FGF14: variants seen among roughly 807,000 people sequenced by gnomAD.
FGF14 encodes the protein fibroblast growth factor 14.
In FGF14, 5 loss-of-function variants were observed where a neutral mutation model predicts 25.5. The observed-to-expected ratio is 0.20, with a 90% CI of 0.10 to 0.41. FGF14 has a LOEUF of 0.41. Ranked by LOEUF, FGF14 falls within the 10% of genes least tolerant of loss-of-function variation. The pLI is 1.00. For missense variants in FGF14, 222 were observed against 320.1 expected (o/e 0.69, Z 2.34); for synonymous variants, 138 against 118.3 (o/e 1.17, Z -1.08).
chr13:101,917,610 C>A (rs1481006252), upstream of FGF14, among the ~76,000 whole-genome samples: 1 of 151,924 alleles, frequency 6.6e-6, no homozygotes, highest in Non-Finnish European at 1.5e-5. Context: ...GCTAATCCCT[C>A]CAGCACCAAC....
At position 102,056,513 on chromosome 13, in the gene FGF14, A is replaced by G. The variant is rs200961570; in HGVS notation, c.209-181217T>C. On this transcript the variant is annotated intron_variant, in intron 1 of 4. Transcript: ENST00000376131. The stretch of plus-strand genomic sequence containing the variant: ...TGGATGCAGTAGATACTTACATAAT[A>G]AAACATAATTTCTCCAAAGTGCTAA... Among the ~76,000 whole-genome samples the G allele has an allele frequency of 7.9e-5, 12 of 152,296 alleles. No individual in the cohort carries two copies. The East Asian group carries it at 2.3e-3, about 29-fold the overall frequency.
chr13:101,971,794 A>C (rs2037611537), intron 1 of FGF14, among the ~76,000 whole-genome samples: 1 of 152,268 alleles, frequency 6.6e-6, no homozygotes, highest in South Asian at 2.1e-4. Flanking sequence ...ACTCTAAGAC[A>C]GTAAAACACG....
rs1378394087 is a variant in FGF14 at position 101,924,103 on chromosome 13, T to C, written c.209-48807A>G. On this transcript the variant is annotated intron_variant, in intron 1 of 4. Coordinates refer to the FGF14 transcript ENST00000376131. ...GCATTTTAATAATAGATCAGTGAAT[T>C]TTTAACACTACTGAATACCTCAACA... Among the ~76,000 whole-genome samples, 3 of 152,106 alleles carry C rather than the reference T, an allele frequency of 2.0e-5. 1 individual carries two copies. In the South Asian group the frequency reaches 6.2e-4, roughly 31 times the overall value.
chr13:102,267,575 TTA>T (rs983244588), intron 1 of FGF14, among the ~76,000 whole-genome samples: 1 of 152,166 alleles, frequency 6.6e-6, no homozygotes, highest in Non-Finnish European at 1.5e-5. Context: ...ATATCTATGG[TTA>T]TATATATGGC....
chr13:101,915,623 G>GAAA (rs869171300), intron 1 of FGF14, among the ~76,000 whole-genome samples: 2 of 754 alleles, frequency 2.7e-3, no homozygotes, highest in Non-Finnish European at 4.5e-3. Context: ...CAAAGGCAGT[G>GAAA]AAAGGTCATC....
chr13:102,395,022 T>C (rs959251125), intron 1 of FGF14: 7 of 152,238 alleles, frequency 4.6e-5, no homozygotes, highest in African/African-American at 1.4e-4. Flanking sequence ...CCCTGCACCT[T>C]TTAAAGTGGC....
At chr13:102,036,368 CAT>C (rs1447138320) in intron 1 of FGF14, among the ~76,000 whole-genome samples, 1 of 152,132 alleles carries the variant, frequency 6.6e-6, no homozygotes, top group Admixed American at 6.6e-5. Context: ...CTCCTGTTCA[CAT>C]GACAGTTAGA....
chr13:102,212,315 C>T (rs535470745), intron 1 of FGF14, among the ~76,000 whole-genome samples: 2 of 152,286 alleles, frequency 1.3e-5, no homozygotes, highest in Admixed American at 6.5e-5. Context: ...GAGTATCAAC[C>T]TTGAGCATCA....
At chr13:101,783,885 C>A (rs2039659477) in intron 3 of FGF14, among the ~76,000 whole-genome samples, 2 of 152,134 alleles carry the variant, frequency 1.3e-5, no homozygotes, top group Admixed American at 1.3e-4. Flanking sequence ...CAGTTTTAAT[C>A]TTCTGCATAT....
At chr13:101,785,352 T>TA (rs67849618) in intron 3 of FGF14, among the ~76,000 whole-genome samples, 1,645 of 140,102 alleles carry the variant, frequency 0.012, 24 homozygotes, top group African/African-American at 0.038. Context: ...TCCCAAAGAT[T>TA]AAAAAAAAAA....
chr13:101,973,738 T>C (rs932892815), intron 1 of FGF14, among the ~76,000 whole-genome samples: 1 of 152,132 alleles, frequency 6.6e-6, no homozygotes, highest in African/African-American at 2.4e-5. Context: ...CCTCCCAGAT[T>C]AAGGGTGGGT....
chr13:101,909,097 G>T (rs1482844167), intron 1 of FGF14, among the ~76,000 whole-genome samples: 1 of 152,046 alleles, frequency 6.6e-6, no homozygotes, highest in African/African-American at 2.4e-5. Flanking sequence ...AATTCAAGAT[G>T]GATTAAAGAC....
intron 1 of FGF14, among the ~76,000 whole-genome samples, chr13:102,047,215 G>A (rs1193127916): frequency 6.6e-6 from 1 of 151,950 alleles, no homozygotes; most frequent in Non-Finnish European, 1.5e-5. Flanking sequence ...CATCCAAAAA[G>A]GTCATTTTTG....
intron 1 of FGF14, among the ~76,000 whole-genome samples, chr13:102,272,802 G>A (rs1429440530): frequency 1.3e-5 from 2 of 151,832 alleles, no homozygotes; most frequent in African/African-American, 4.8e-5. Flanking sequence ...GATATTGAGG[G>A]CCAGAGTTTG....
chr13:101,783,214 G>C (rs560767837), intron 3 of FGF14, among the ~76,000 whole-genome samples: 38 of 152,094 alleles, frequency 2.5e-4, no homozygotes, highest in Non-Finnish European at 5.4e-4. Context: ...GCTCAAGCCT[G>C]TAATCCTAGC....
intron 1 of FGF14, among the ~76,000 whole-genome samples, chr13:102,337,067 A>G (rs1253943316): frequency 6.6e-6 from 1 of 152,230 alleles, no homozygotes; most frequent in Non-Finnish European, 1.5e-5. Flanking sequence ...TCAGTCAGGG[A>G]ATCATTTCAA....
At chr13:102,239,486 C>G (rs2051486422) in intron 1 of FGF14, among the ~76,000 whole-genome samples, 1 of 152,154 alleles carries the variant, frequency 6.6e-6, no homozygotes, top group African/African-American at 2.4e-5. Context: ...GAGGACCACA[C>G]TGAGTAGCAA....
chr13:101,888,300 ATGATTGGTAAAATAAAT>A (rs573354454), intron 1 of FGF14, among the ~76,000 whole-genome samples: 2,599 of 152,290 alleles, frequency 0.017, 82 homozygotes, highest in African/African-American at 0.059. Flanking sequence ...CACTCAATAG[ATGATTGGTAAAATAAAT>A]GTTAAAATTT....
chr13:101,968,195 A>C (rs1308018308), intron 1 of FGF14, among the ~76,000 whole-genome samples: 1 of 152,238 alleles, frequency 6.6e-6, no homozygotes, highest in Non-Finnish European at 1.5e-5. Flanking sequence ...AATGAAGATA[A>C]ATTCATATAA....
Sources: allele counts gnomAD v4.1 joint callset (sites outside exome capture counted in the v4.1 genomes callset), GRCh38; gene constraint gnomAD v4.1.1; transcripts MANE v1.5; gene names NCBI Gene and HGNC (gene_info 2026-07-23, HGNC 2026-07-21).